RAB17: variants seen among roughly 807,000 people sequenced by gnomAD.
RAB17 encodes ras-related protein Rab-17.
Under a neutral mutation model 19.3 loss-of-function variants are expected in RAB17, and 15 were observed. That is an observed-to-expected ratio of 0.78 (90% CI 0.52 to 1.20). The LOEUF (loss-of-function observed/expected upper bound fraction) is 1.20, where lower values mean the gene tolerates loss of function less well. Among genes scored for constraint, RAB17 ranks in the 50% most tolerant of loss-of-function variants. The probability of loss-of-function intolerance (pLI) is 0.00; values close to 1 mark genes in which losing one functional copy is unlikely to be tolerated. For missense variants in RAB17, 262 were observed against 269.3 expected (o/e 0.97, Z 0.19); for synonymous variants, 110 against 112.8 (o/e 0.97, Z 0.16).
At chr2:237,586,315 C>T (rs1157720955) in intron 1 of RAB17, among the ~76,000 whole-genome samples, 158 bp from the exon 2 acceptor site, 2 of 152,278 alleles carry the variant, frequency 1.3e-5, no homozygotes, top group South Asian at 4.1e-4. Context: ...CTTCCCTCTG[C>T]ACCCCATGCC....
rs762861718 is a variant in RAB17 at position 237,586,098 on chromosome 2, C to A, written c.57G>T (p.Val19=). ...QPRAAPSQPR[V]FKLVLLGSGS... is the part of the protein sequence containing the mutation. ...CACTTCCCAGGAGAACCAGCTTGAA[C>A]ACACGGGGCTGGCTGGGGGCAGCCC... Residue 19 remains valine, a synonymous_variant, in exon 2 of 6, where the codon GTG becomes GTT. Coordinates refer to ENST00000264601, the MANE Select transcript of RAB17 (RefSeq NM_022449.4). The A allele has an allele frequency of 1.2e-6, 2 of 1,613,352 alleles. No individual in the cohort carries two copies. The highest frequency in any genetic ancestry group is 1.7e-6 in the Non-Finnish European group (2 of 1,179,658).
chr2:237,575,388 CA>C lies in RAB17; in HGVS notation c.527del (p.Val176GlyfsTer24). On this transcript the variant is annotated frameshift_variant and splice_region_variant, in exon 5 of 6. Transcript: ENST00000264601. LOFTEE classifies it low-confidence loss of function (END_TRUNC). Reference sequence around the variant, plus strand: ...CTGGCCCACGGGGACGTGACTCACCCACTGTATTGAACACCTCCGACACCTG... The same window carrying C: ...CTGGCCCACGGGGACGTGACTCACCCCTGTATTGAACACCTCCGACACCTG... ...NHQVSEVFNTVAQELLQRSDE... is the reference protein window; with the variant it reads ...NHQVSEVFNTXAQELLQRSDE... 1.9e-6 allele frequency: 3 copies of C among 1,607,968 alleles called. No individual in the cohort carries two copies. Among genetic ancestry groups the C allele is most frequent in the Non-Finnish European group, 2.6e-6 (3 of 1,176,384 alleles).
intron 2 of RAB17, among the ~76,000 whole-genome samples, chr2:237,582,759 GGAGT>G (rs1459100323): frequency 1.3e-5 from 2 of 152,248 alleles, no homozygotes; most frequent in African/African-American, 4.8e-5. Flanking sequence ...GTAAGTTAAA[GGAGT>G]GAGCACATCC....
At chr2:237,584,380 G>A (rs2081332387) in intron 2 of RAB17, among the ~76,000 whole-genome samples, 1 of 152,130 alleles carries the variant, frequency 6.6e-6, no homozygotes, top group African/African-American at 2.4e-5. Flanking sequence ...CTGCTAGGGT[G>A]GCGTCATGGA....
At chr2:237,586,480 T>G (rs1278012382) in intron 1 of RAB17, among the ~76,000 whole-genome samples, 1 of 149,908 alleles carries the variant, frequency 6.7e-6, no homozygotes, top group Non-Finnish European at 1.5e-5. Context: ...CTCCTTCCAT[T>G]ACTTTCAGTT....
intron 2 of RAB17, chr2:237,578,838 G>A (rs1262276275): frequency 3.3e-5 from 5 of 151,892 alleles, no homozygotes; most frequent in East Asian, 3.9e-4. Flanking sequence ...GGCCTCCTGC[G>A]TTCTCCACCT....
intron 2 of RAB17, among the ~76,000 whole-genome samples, chr2:237,585,246 G>T (rs1293230217): frequency 6.6e-6 from 1 of 152,012 alleles, no homozygotes; most frequent in Admixed American, 6.5e-5. Flanking sequence ...GCTTATCCAT[G>T]TCAGAGTCCG....
chr2:237,577,424 G>A, intron 3 of RAB17, 42 bp from the exon 4 acceptor site: 1 of 1,570,902 alleles, frequency 6.4e-7, no homozygotes, highest in Non-Finnish European at 8.6e-7. Flanking sequence ...AAAACTTATA[G>A]GTGGTCATTA....
In RAB17 at chr2:237,574,479, C is replaced by T; in HGVS notation, c.*540G>A. On this transcript the variant is annotated 3_prime_UTR_variant, in exon 6 of 6. Coordinates refer to ENST00000264601, the MANE Select transcript of RAB17 (RefSeq NM_022449.4). Reference sequence around the variant, plus strand: ...AGACCATGGAAGGGAACTGGCGCCACTGCCCCCAGCTGCCCTTCCCAGGGG... The same window carrying T: ...AGACCATGGAAGGGAACTGGCGCCATTGCCCCCAGCTGCCCTTCCCAGGGG... 1 of 1,550,742 alleles carries T rather than the reference C, an allele frequency of 6.4e-7. No homozygotes were observed. Among genetic ancestry groups the T allele is most frequent in the Non-Finnish European group, 8.7e-7 (1 of 1,147,000 alleles).
At chr2:237,588,151 G>A (rs2081365209) in intron 1 of RAB17, among the ~76,000 whole-genome samples, 1 of 152,200 alleles carries the variant, frequency 6.6e-6, no homozygotes, top group Non-Finnish European at 1.5e-5. Context: ...CATGCTAGGA[G>A]GTGGGGCCTA....
chr2:237,574,689 C>T lies in RAB17; in HGVS notation c.*330G>A, dbSNP rs537073004. The T allele has an allele frequency of 1.3e-5, 19 of 1,434,680 alleles. No homozygotes were observed. Among genetic ancestry groups the T allele is most frequent in the African/African-American group, 4.3e-5 (3 of 69,470 alleles). The allele number at this position is 1,434,680 out of a possible 1,614,324, so 88.9% of individuals were successfully genotyped here. A position where few individuals can be genotyped will look rare whatever the true frequency, so the allele number is the denominator to read the frequency against. ...GCATCTTCCCACCGTCGCTGTGCTG[C>T]GGGGACTTTTCCAATCCTTCCTTCC... On this transcript the variant is annotated 3_prime_UTR_variant, in exon 6 of 6. Transcript: ENST00000264601.
At chr2:237,589,220 C>CTAAAAAAAAA (rs2081373544) in intron 1 of RAB17, among the ~76,000 whole-genome samples, 1 of 141,438 alleles carries the variant, frequency 7.1e-6, no homozygotes, top group Non-Finnish European at 1.5e-5. Flanking sequence ...AATCTGTCTC[C>CTAAAAAAAAA]AAAAAAAAAG....
At chr2:237,585,865 C>T (rs2081345795) in intron 2 of RAB17, 133 bp downstream of exon 2, 2 of 924,928 alleles carry the variant, frequency 2.2e-6, no homozygotes, top group Non-Finnish European at 3.2e-6. Context: ...CCCTCACGCA[C>T]TGGACACAGG....
In RAB17 at chr2:237,575,103, G is replaced by A. The variant is rs777246989; in HGVS notation, c.555C>T (p.Asp185=). 1.4e-5 allele frequency: 23 copies of A among 1,613,348 alleles called. No homozygotes were observed. Among genetic ancestry groups the A allele is most frequent in the South Asian group, 3.3e-5 (3 of 91,008 alleles). ...TVAQELLQRS[D]EEGQALRGDA... ...CCCCCCGTAGAGCCTGGCCCTCCTC[G>A]TCGCTTCTCTGCAGTAGCTCTTGGG... is the stretch of plus-strand genomic sequence containing the variant. Residue 185 remains aspartate (D), a synonymous_variant, in exon 6 of 6, where the codon GAC becomes GAT. Transcript: ENST00000264601.
chr2:237,576,130 T>C (rs2081260843), intron 4 of RAB17, among the ~76,000 whole-genome samples: 1 of 151,852 alleles, frequency 6.6e-6, no homozygotes, highest in Admixed American at 6.6e-5. Flanking sequence ...CTCAGGCTCC[T>C]GACTGTCCAG....
At chr2:237,583,796 C>T (rs1164060174) in intron 2 of RAB17, among the ~76,000 whole-genome samples, 1 of 152,168 alleles carries the variant, frequency 6.6e-6, no homozygotes, top group African/African-American at 2.4e-5. Context: ...GGAGATAAAC[C>T]CAGGCCTGGA....
intron 5 of RAB17, 28 bp downstream of exon 5, chr2:237,575,359 T>A: frequency 6.3e-7 from 1 of 1,574,910 alleles, no homozygotes; most frequent in Non-Finnish European, 8.7e-7. Context: ...CACCTCCCCC[T>A]TGTCTGGCCC....
intron 5 of RAB17, 31 bp from the exon 6 acceptor site, chr2:237,575,159 G>A (rs778411928): frequency 1.3e-6 from 2 of 1,581,972 alleles, no homozygotes; most frequent in East Asian, 2.2e-5. Flanking sequence ...GGGCTGGCTA[G>A]GGAGGGAAGT....
intron 1 of RAB17, among the ~76,000 whole-genome samples, chr2:237,589,427 T>C (rs1313495209): frequency 2.6e-5 from 4 of 152,200 alleles, no homozygotes; most frequent in Non-Finnish European, 5.9e-5. Context: ...CCAAAGGCAG[T>C]CTCACACATT....
Sources: gnomAD v4.1 joint callset for allele counts (sites outside exome capture counted in the v4.1 genomes callset) on GRCh38, gnomAD v4.1.1 for gene constraint, MANE v1.5 for transcripts, NCBI Gene and HGNC (gene_info 2026-07-23, HGNC 2026-07-21) for gene names.